EML4: variants seen among roughly 807,000 people sequenced by gnomAD.
EML4 encodes the protein echinoderm microtubule-associated protein-like 4.
Under a neutral mutation model 129.0 loss-of-function variants are expected in EML4, and 72 were observed. The observed-to-expected ratio is 0.56, with a 90% CI of 0.46 to 0.68. The LOEUF is 0.68. EML4 is among the 30% of genes least tolerant of loss of function. The probability of loss-of-function intolerance (pLI) is 0.00; values close to 1 mark genes in which losing one functional copy is unlikely to be tolerated. For synonymous variants in EML4, 532 were observed against 405.0 expected (o/e 1.31, Z -3.77); for missense variants, 1,363 against 1,190.6 (o/e 1.14, Z -2.13).
chr2:42,262,672 A>G (rs1665806790), intron 4 of EML4, among the ~76,000 whole-genome samples: 1 of 152,226 alleles, frequency 6.6e-6, no homozygotes, highest in Non-Finnish European at 1.5e-5. Flanking sequence ...ATTCTTATAT[A>G]AAGTCTTGTT....
intron 1 of EML4, among the ~76,000 whole-genome samples, chr2:42,212,612 CTT>C (rs1195328052): frequency 6.6e-6 from 1 of 152,174 alleles, no homozygotes; most frequent in African/African-American, 2.4e-5. Context: ...ATTTAGATCT[CTT>C]TTCTATCCAG....
At chr2:42,227,905 G>A (rs1572582884) in intron 1 of EML4, among the ~76,000 whole-genome samples, 1 of 148,406 alleles carries the variant, frequency 6.7e-6, no homozygotes, top group Non-Finnish European at 1.5e-5. Flanking sequence ...GCTATTAATA[G>A]TTAAGTTTGT....
At chr2:42,200,298 C>G (rs984545103) in intron 1 of EML4, among the ~76,000 whole-genome samples, 6 of 152,128 alleles carry the variant, frequency 3.9e-5, no homozygotes, top group African/African-American at 1.4e-4. Flanking sequence ...GCACTCCAGC[C>G]TGGGCGACAG....
chr2:42,261,358 TG>T, intron 4 of EML4, 64 bp downstream of exon 4: 1 of 1,400,368 alleles, frequency 7.1e-7, no homozygotes, highest in Admixed American at 2.3e-5. Flanking sequence ...TTCTGTGACT[TG>T]GGAAAAAGTT....
At chr2:42,309,431 C>CAA (rs34837271) in intron 17 of EML4, among the ~76,000 whole-genome samples, 29,332 of 106,650 alleles carry the variant, frequency 0.28, 3,732 homozygotes, top group East Asian at 0.35. Flanking sequence ...ACAACCACCA[C>CAA]AAAAAAAAAA....
chr2:42,284,592 A>T, intron 8 of EML4, 42 bp from the exon 9 acceptor site: 1 of 1,437,210 alleles, frequency 7.0e-7, no homozygotes, highest in Non-Finnish European at 9.7e-7. Context: ...CTGTTGTTTC[A>T]TGTTTCCTGT....
chr2:42,317,955 T>C (rs1476315407), intron 19 of EML4, among the ~76,000 whole-genome samples: 1 of 152,176 alleles, frequency 6.6e-6, no homozygotes, highest in Non-Finnish European at 1.5e-5. Flanking sequence ...TGTCTGCATT[T>C]AAGAGAGTTA....
intron 19 of EML4, among the ~76,000 whole-genome samples, chr2:42,323,457 T>A (rs1669625218): frequency 6.6e-6 from 1 of 152,188 alleles, no homozygotes; most frequent in Non-Finnish European, 1.5e-5. Flanking sequence ...CTTCTCAGAT[T>A]CATATAATTT....
intron 17 of EML4, among the ~76,000 whole-genome samples, chr2:42,313,036 C>T (rs1316918097): frequency 6.7e-6 from 1 of 150,264 alleles, no homozygotes; most frequent in Non-Finnish European, 1.5e-5. Context: ...GCAAGCTCCA[C>T]CGCCTGCGTT....
At chr2:42,276,757 C>T (rs982669292) in intron 6 of EML4, among the ~76,000 whole-genome samples, 3 of 152,152 alleles carry the variant, frequency 2.0e-5, no homozygotes, top group Admixed American at 1.3e-4. Context: ...GTTAACAAAG[C>T]GTGAAGCTAA....
At chr2:42,301,145 T>G (rs946948889) in intron 13 of EML4, 96 bp from the exon 14 acceptor site, 1 of 1,055,276 alleles carries the variant, frequency 9.5e-7, no homozygotes, top group South Asian at 1.5e-5. Context: ...ACTTTCTGAT[T>G]ATTAACTCTA....
chr2:42,224,476 A>G (rs1199724215), intron 1 of EML4, among the ~76,000 whole-genome samples: 2 of 152,086 alleles, frequency 1.3e-5, no homozygotes, highest in Admixed American at 6.5e-5. Context: ...GGTTATTTCT[A>G]CTTTTTGGCT....
intron 1 of EML4, among the ~76,000 whole-genome samples, chr2:42,172,672 G>C (rs549673586): frequency 6.6e-6 from 1 of 151,648 alleles, no homozygotes; most frequent in Non-Finnish European, 1.5e-5. Context: ...TTTAAACTTA[G>C]GAGAGAAAAG....
At chr2:42,215,025 T>C (rs1195496137) in intron 1 of EML4, among the ~76,000 whole-genome samples, 1 of 152,152 alleles carries the variant, frequency 6.6e-6, no homozygotes, top group African/African-American at 2.4e-5. Flanking sequence ...CTGTGGAGGC[T>C]AGCTATACTA....
chr2:42,297,471 A>G (rs2103692312), intron 13 of EML4, among the ~76,000 whole-genome samples: 1 of 152,346 alleles, frequency 6.6e-6, no homozygotes, highest in Non-Finnish European at 1.5e-5. Flanking sequence ...ATGCACAAAC[A>G]GGAAACAGGA....
intron 1 of EML4, among the ~76,000 whole-genome samples, chr2:42,187,364 G>T (rs559457642): frequency 3.4e-4 from 52 of 152,146 alleles, no homozygotes; most frequent in Non-Finnish European, 5.9e-4. Context: ...GTCTTTTCTA[G>T]AATTTCACAT....
At chr2:42,195,869 T>A (rs1245338921) in intron 1 of EML4, among the ~76,000 whole-genome samples, 2 of 152,214 alleles carry the variant, frequency 1.3e-5, no homozygotes, top group Admixed American at 1.3e-4. Context: ...GTTATTAAAG[T>A]TAATTATTTT....
intron 1 of EML4, among the ~76,000 whole-genome samples, chr2:42,226,540 C>T (rs558424211): frequency 2.0e-5 from 3 of 148,308 alleles, no homozygotes; most frequent in Admixed American, 1.3e-4. Flanking sequence ...TCCCGTAATC[C>T]CAGCCACTCG....
At chr2:42,211,729 C>G (rs1444262883) in intron 1 of EML4, among the ~76,000 whole-genome samples, 1 of 151,152 alleles carries the variant, frequency 6.6e-6, no homozygotes, top group Non-Finnish European at 1.5e-5. Flanking sequence ...CGTGTGTTGC[C>G]AATGTTTTAA....
Sources: allele counts gnomAD v4.1 joint callset (sites outside exome capture counted in the v4.1 genomes callset), GRCh38; gene constraint gnomAD v4.1.1; transcripts MANE v1.5; gene names NCBI Gene and HGNC (gene_info 2026-07-23, HGNC 2026-07-21).